The following PRKCQ variants were observed in gnomAD, a reference collection of about 807,000 sequenced individuals.
PRKCQ encodes the protein protein kinase C theta type.
PRKCQ carries 41 observed loss-of-function variants against 91.2 expected under a neutral mutation model. The observed-to-expected ratio is 0.45, with a 90% CI of 0.35 to 0.58. PRKCQ has a LOEUF of 0.58. PRKCQ is among the 20% of genes least tolerant of loss of function. The pLI is 0.00. For synonymous variants in PRKCQ, 307 were observed against 316.9 expected, an observed-to-expected ratio of 0.97 and a Z score of 0.33; for missense variants, 673 against 896.5, an observed-to-expected ratio of 0.75 and a Z score of 3.18.
In PRKCQ at chr10:6,497,196, T is replaced by C. The variant is rs752878063; in HGVS notation, c.574+24A>G. 2.5e-6 allele frequency: 4 copies of C among 1,614,224 alleles called. No homozygotes were observed. The highest frequency in any genetic ancestry group is 3.4e-6 in the Non-Finnish European group (4 of 1,180,032). On this transcript the variant is annotated intron_variant, in intron 6 of 17. Transcript: ENST00000263125. This position sits in a 1 kb window ranked among gnomAD's most constrained non-coding sequence, Gnocchi z 4.5. Reference sequence around the variant, plus strand: ...AACTAAATAAAAAGAATGATGGTAATGCAACCAAAACCCTCTTACTTACGT... The same window carrying C: ...AACTAAATAAAAAGAATGATGGTAACGCAACCAAAACCCTCTTACTTACGT...
the PRKCQ span, among the ~76,000 whole-genome samples, chr10:6,411,466 C>G: frequency 7.2e-5 from 11 of 152,252 alleles, no homozygotes; most frequent in Non-Finnish European, 1.5e-4. Flanking sequence ...AGACAAATTC[C>G]TATGGTGGTA....
intron 14 of PRKCQ, among the ~76,000 whole-genome samples, chr10:6,460,298 C>CT (rs577051698): frequency 6.5e-4 from 93 of 144,152 alleles, no homozygotes; most frequent in East Asian, 2.0e-3. Context: ...ACATCTATTG[C>CT]TTTTTTTTTT....
intron 4 of PRKCQ, among the ~76,000 whole-genome samples, chr10:6,499,339 G>A (rs1433685677): frequency 6.6e-6 from 1 of 152,154 alleles, no homozygotes; most frequent in Non-Finnish European, 1.5e-5. Context: ...ACTGTTTACA[G>A]TGCCCTATAC....
chr10:6,487,387 C>G (rs1265476976), intron 8 of PRKCQ, among the ~76,000 whole-genome samples: 1 of 152,150 alleles, frequency 6.6e-6, no homozygotes, highest in Non-Finnish European at 1.5e-5. Context: ...GAGCACCTGT[C>G]AGGTGGGTGG....
At chr10:6,423,239 G>C (rs1425508997), downstream of PRKCQ, among the ~76,000 whole-genome samples, 4 of 152,178 alleles carry the variant, frequency 2.6e-5, no homozygotes, top group Admixed American at 6.5e-5. Flanking sequence ...CAGGCATGTA[G>C]GGAACAATGA....
the PRKCQ span, among the ~76,000 whole-genome samples, chr10:6,412,956 A>T: frequency 6.6e-6 from 1 of 151,688 alleles, no homozygotes; most frequent in Admixed American, 6.6e-5. Flanking sequence ...TTTATTTTTT[A>T]TTTTTATTTT....
At position 6,486,028 on chromosome 10, in the gene PRKCQ, C is replaced by T. The variant is rs1351334330; in HGVS notation, c.900+7G>A. ...GGCGGGAACGTGTCCACGGCACATGCTCCTACCTGTTGAGTGCTCTCAATC... is the reference window on the plus strand; with the variant it reads ...GGCGGGAACGTGTCCACGGCACATGTTCCTACCTGTTGAGTGCTCTCAATC... On this transcript the variant is annotated splice_region_variant and intron_variant, in intron 9 of 17. Coordinates refer to ENST00000263125, the MANE Select transcript of PRKCQ (RefSeq NM_006257.5). 1 of 1,612,058 alleles carries T rather than the reference C, an allele frequency of 6.2e-7. No homozygotes were observed. The highest frequency in any genetic ancestry group is 1.3e-5 in the African/African-American group (1 of 74,994).
intron 4 of PRKCQ, among the ~76,000 whole-genome samples, chr10:6,503,996 T>C (rs756975643): frequency 4.6e-5 from 7 of 152,198 alleles, no homozygotes; most frequent in Non-Finnish European, 8.8e-5. Flanking sequence ...CAGGCTGGTC[T>C]CAAACTCCTG....
intron 11 of PRKCQ, 123 bp from the exon 12 acceptor site, chr10:6,479,288 T>C: frequency 8.9e-7 from 1 of 1,121,456 alleles, no homozygotes; most frequent in Non-Finnish European, 1.3e-6. Context: ...CCAACCCCCA[T>C]CCATCCTGCA....
At position 6,430,998 on chromosome 10, in the gene PRKCQ, G is replaced by A. The variant is rs1554759651; in HGVS notation, c.1837-60C>T. 1.9e-6 allele frequency: 3 copies of A among 1,573,884 alleles called. No homozygotes were observed. The highest frequency in any genetic ancestry group is 2.3e-5 in the South Asian group (2 of 86,260). On this transcript the variant is annotated intron_variant, in intron 16 of 17. Coordinates refer to ENST00000263125, the MANE Select transcript of PRKCQ (RefSeq NM_006257.5). The surrounding 1 kb of genome is among the most constrained non-coding windows in gnomAD (Gnocchi z 4.7). Reference sequence around the variant, plus strand: ...CAGGGATGACCCTTTTGCATCAGGAGGTCGTGGTGCTTCCTGGTGCACCAG... The same window carrying A: ...CAGGGATGACCCTTTTGCATCAGGAAGTCGTGGTGCTTCCTGGTGCACCAG...
intron 1 of PRKCQ, among the ~76,000 whole-genome samples, chr10:6,522,790 A>G (rs1839065179): frequency 6.6e-6 from 1 of 152,220 alleles, no homozygotes; most frequent in Admixed American, 6.5e-5. Context: ...GGAAGAAAGA[A>G]CACAGATTAA....
chr10:6,489,927 TG>T (rs1190334112), intron 8 of PRKCQ, among the ~76,000 whole-genome samples: 1 of 151,836 alleles, frequency 6.6e-6, no homozygotes, highest in Non-Finnish European at 1.5e-5. Flanking sequence ...TTCTTGCAAG[TG>T]GATTCTCGGG....
chr10:6,547,416 C>T (rs547717198), intron 1 of PRKCQ, among the ~76,000 whole-genome samples: 10 of 152,006 alleles, frequency 6.6e-5, no homozygotes, highest in Admixed American at 2.0e-4. Context: ...AAAGAGCCCG[C>T]ATCGCCAAGT....
At chr10:6,564,836 G>A (rs768689825) in intron 1 of PRKCQ, among the ~76,000 whole-genome samples, 2 of 152,102 alleles carry the variant, frequency 1.3e-5, no homozygotes, top group Non-Finnish European at 2.9e-5. Flanking sequence ...TAAACTCCCC[G>A]CTGACAATTT....
At chr10:6,549,624 C>CTGTT (rs1554782021) in intron 1 of PRKCQ, among the ~76,000 whole-genome samples, 1 of 124,412 alleles carries the variant, frequency 8.0e-6, no homozygotes. Context: ...TAAAATTCAT[C>CTGTT]TTTTTTTTTT....
At chr10:6,545,389 C>A (rs1839914225) in intron 1 of PRKCQ, among the ~76,000 whole-genome samples, 1 of 152,204 alleles carries the variant, frequency 6.6e-6, no homozygotes, top group Non-Finnish European at 1.5e-5. Flanking sequence ...AAAGGTTAAA[C>A]TGGAATATTC....
intron 1 of PRKCQ, 45 bp from the exon 2 acceptor site, chr10:6,515,189 A>T (rs1466660355): frequency 6.2e-7 from 1 of 1,608,154 alleles, no homozygotes; most frequent in South Asian, 1.1e-5. Flanking sequence ...GCTATAAAAG[A>T]TATTATTTTT....
At position 6,479,206 on chromosome 10, in the gene PRKCQ, G is replaced by A. The variant is rs768509788; in HGVS notation, c.1180-41C>T. On this transcript the variant is annotated intron_variant, in intron 11 of 17. Coordinates refer to ENST00000263125, the MANE Select transcript of PRKCQ (RefSeq NM_006257.5). ...AGAAGTAACTTTATTTTAGAATTTG[G>A]ATTCCCATTTCTTAAAAAAGAGACA... is the stretch of plus-strand genomic sequence containing the variant. 2.5e-6 allele frequency: 4 copies of A among 1,601,964 alleles called. No homozygotes were observed. The East Asian group carries it at 6.7e-5, about 27-fold the overall frequency.
At chr10:6,418,025 C>T in the PRKCQ span, among the ~76,000 whole-genome samples, 1 of 152,168 alleles carries the variant, frequency 6.6e-6, no homozygotes, top group African/African-American at 2.4e-5. Context: ...CCCAGATGCC[C>T]GTCTTCTTGT....
Sources: allele counts gnomAD v4.1 joint callset (sites outside exome capture counted in the v4.1 genomes callset), GRCh38; gene constraint gnomAD v4.1.1; non-coding constraint Gnocchi (gnomAD v3.1); transcripts MANE v1.5; gene names NCBI Gene and HGNC (gene_info 2026-07-23, HGNC 2026-07-21).